Variants in GUCY1A2 observed in about 807,000 individuals in gnomAD.
GUCY1A2 encodes the protein guanylate cyclase soluble subunit alpha-2.
GUCY1A2 carries 27 observed loss-of-function variants against 63.5 expected under a neutral mutation model. That is an observed-to-expected ratio of 0.43 (90% CI 0.31 to 0.59). The LOEUF (loss-of-function observed/expected upper bound fraction) is 0.59, where lower values mean the gene tolerates loss of function less well. Ranked by LOEUF, GUCY1A2 falls within the 20% of genes least tolerant of loss-of-function variation. The pLI, the probability that GUCY1A2 is intolerant of heterozygous loss-of-function variation, is 0.11. For synonymous variants in GUCY1A2, 364 were observed against 343.5 expected, an observed-to-expected ratio of 1.06 and a Z score of -0.66; for missense variants, 768 against 913.3, an observed-to-expected ratio of 0.84 and a Z score of 2.05.
chr11:106,950,931 CCT>C (rs1162120964), intron 3 of GUCY1A2, among the ~76,000 whole-genome samples: 1 of 152,114 alleles, frequency 6.6e-6, no homozygotes, highest in Non-Finnish European at 1.5e-5. Context: ...GTGTTGTTCC[CCT>C]CTCTGTGACC....
At chr11:106,701,718 G>A (rs1219991151) in intron 7 of GUCY1A2, among the ~76,000 whole-genome samples, 1 of 152,046 alleles carries the variant, frequency 6.6e-6, no homozygotes, top group Non-Finnish European at 1.5e-5. Context: ...GTAGCACTTG[G>A]GGTGAATAGG....
intron 6 of GUCY1A2, among the ~76,000 whole-genome samples, chr11:106,714,194 G>T (rs761825876): frequency 6.6e-6 from 1 of 151,774 alleles, no homozygotes; most frequent in Non-Finnish European, 1.5e-5. Context: ...ATATCCTTGA[G>T]GGGGCAGAGG....
At chr11:106,986,278 T>C (rs922593285) in intron 1 of GUCY1A2, 147 bp from the exon 2 acceptor site, 4 of 502,672 alleles carry the variant, frequency 8.0e-6, no homozygotes, top group East Asian at 6.4e-5. Context: ...CATCATGCCA[T>C]GTATTTTCCC....
intron 7 of GUCY1A2, among the ~76,000 whole-genome samples, chr11:106,698,464 G>T (rs1591234782): frequency 6.6e-6 from 1 of 151,686 alleles, no homozygotes; most frequent in South Asian, 2.1e-4. Flanking sequence ...AGCATTTTTT[G>T]GAATAATGTT....
At chr11:106,722,403 G>GA (rs967638317) in intron 6 of GUCY1A2, among the ~76,000 whole-genome samples, 2 of 150,384 alleles carry the variant, frequency 1.3e-5, no homozygotes, top group South Asian at 2.1e-4. Flanking sequence ...GCTGCAAAAA[G>GA]AAAAAAAAAT....
At chr11:106,916,145 A>G (rs1449815928) in intron 4 of GUCY1A2, among the ~76,000 whole-genome samples, 1 of 145,730 alleles carries the variant, frequency 6.9e-6, no homozygotes, top group African/African-American at 2.4e-5. Context: ...AAAAAGACAA[A>G]AGATTTAGTT....
At chr11:106,944,587 C>T (rs1033700375) in intron 3 of GUCY1A2, among the ~76,000 whole-genome samples, 1 of 152,060 alleles carries the variant, frequency 6.6e-6, no homozygotes, top group African/African-American at 2.4e-5. Context: ...ACACCAAACC[C>T]CCATGACACA....
chr11:106,956,767 C>G (rs1174428978), intron 3 of GUCY1A2, among the ~76,000 whole-genome samples: 2 of 152,146 alleles, frequency 1.3e-5, no homozygotes, highest in African/African-American at 4.8e-5. Context: ...AATCGGGTGG[C>G]ACAGGGAGCA....
At chr11:106,741,516 C>A (rs542160459) in intron 6 of GUCY1A2, among the ~76,000 whole-genome samples, 2 of 152,156 alleles carry the variant, frequency 1.3e-5, no homozygotes, top group African/African-American at 4.8e-5. Flanking sequence ...GAGAAAATAA[C>A]CACAGAAATG....
intron 1 of GUCY1A2, among the ~76,000 whole-genome samples, chr11:107,000,688 C>T (rs1001522042): frequency 6.6e-6 from 1 of 152,100 alleles, no homozygotes; most frequent in Admixed American, 6.5e-5. Flanking sequence ...AATACAGATC[C>T]TTCAAATATC....
At chr11:106,907,579 C>T (rs1375706032) in intron 4 of GUCY1A2, among the ~76,000 whole-genome samples, 1 of 151,774 alleles carries the variant, frequency 6.6e-6, no homozygotes, top group East Asian at 1.9e-4. Flanking sequence ...CAACAGTCCC[C>T]AGAGTGTGAT....
Position 106,827,040 on chromosome 11 carries a change from G to T in GUCY1A2, c.1207-16562C>A, listed in dbSNP as rs117604221. 5.8e-3 allele frequency: 9,234 copies of T among 1,587,404 alleles called. 67 individuals carry two copies. Among genetic ancestry groups the T allele is most frequent in the Non-Finnish European group, 5.9e-3 (6,850 of 1,157,432 alleles). ...CTGTATTAGTTGTAACTGACGTATG[G>T]TCTCTTGGAAAAGTGAAGGACTTTT... On this transcript the variant is annotated intron_variant, in intron 4 of 7. Transcript: ENST00000526355.
At position 106,948,950 on chromosome 11, in the gene GUCY1A2, C is replaced by T. The variant is rs549826658; in HGVS notation, c.488-8772G>A. On this transcript the variant is annotated intron_variant, in intron 3 of 7. Coordinates refer to ENST00000526355, the MANE Select transcript of GUCY1A2 (RefSeq NM_000855.3). ...TAAATATTTTAGAAGATCTAGGGGA[C>T]GGTATGTATGCCTTAACCAAAACAA... is the stretch of plus-strand genomic sequence containing the variant. Among the ~76,000 whole-genome samples, 10 of 151,946 alleles carry T rather than the reference C, an allele frequency of 6.6e-5. No individual in the cohort carries two copies. The East Asian group carries it at 7.7e-4, about 12-fold the overall frequency.
chr11:106,948,129 C>T (rs1860855337), intron 3 of GUCY1A2, among the ~76,000 whole-genome samples: 1 of 152,026 alleles, frequency 6.6e-6, no homozygotes, highest in Non-Finnish European at 1.5e-5. Context: ...TGAGTTCTGG[C>T]TAGCAATTAG....
intron 1 of GUCY1A2, among the ~76,000 whole-genome samples, chr11:107,007,868 G>T (rs1861691848): frequency 6.6e-6 from 1 of 150,530 alleles, no homozygotes; most frequent in African/African-American, 2.4e-5. Context: ...CAGCATGATA[G>T]ATTTACTGTC....
chr11:106,910,017 G>C, intron 4 of GUCY1A2, among the ~76,000 whole-genome samples: 1 of 151,834 alleles, frequency 6.6e-6, no homozygotes, highest in East Asian at 1.9e-4. Flanking sequence ...CACATCCTTT[G>C]AGTCACCAAG....
intron 3 of GUCY1A2, among the ~76,000 whole-genome samples, chr11:106,970,184 C>G (rs1861176081): frequency 6.6e-6 from 1 of 152,042 alleles, no homozygotes; most frequent in Non-Finnish European, 1.5e-5. Context: ...CATTTGTGGA[C>G]ATCTTATATT....
chr11:106,957,909 G>T (rs1861011156), intron 3 of GUCY1A2, among the ~76,000 whole-genome samples: 2 of 119,182 alleles, frequency 1.7e-5, no homozygotes, highest in East Asian at 2.7e-4. Flanking sequence ...AAGGTGTTGT[G>T]GTAAAGAAAT....
rs190110997 is a variant in GUCY1A2, at chr11:106,909,399, C to G, written c.1206+30061G>C. On this transcript the variant is annotated intron_variant, in intron 4 of 7. Coordinates refer to ENST00000526355, the MANE Select transcript of GUCY1A2 (RefSeq NM_000855.3). ...TGTGTGTGTGTGTGTGTACGCTTTT[C>G]ATTCTCTGCAACTTTTTCATATGTG... Among the ~76,000 whole-genome samples, 63 of 27,746 alleles carry G rather than the reference C, an allele frequency of 2.3e-3. 1 individual carries two copies. The highest frequency in any genetic ancestry group is 7.9e-3 in the African/African-American group (60 of 7,554). The allele number at this position is 27,746 out of a possible 152,430, so 18.2% of individuals were successfully genotyped here.
Sources: gnomAD v4.1 joint callset for allele counts (sites outside exome capture counted in the v4.1 genomes callset) on GRCh38, gnomAD v4.1.1 for gene constraint, MANE v1.5 for transcripts, NCBI Gene and HGNC (gene_info 2026-07-23, HGNC 2026-07-21) for gene names.